Variants in PRR16 observed in about 807,000 individuals in gnomAD.
PRR16 encodes the protein protein Largen.
Under a neutral mutation model 18.2 loss-of-function variants are expected in PRR16, and 6 were observed. The ratio of observed to expected loss-of-function variants is 0.33; its 90% CI spans 0.18 to 0.65. PRR16 has a LOEUF of 0.65. Among genes scored for constraint, PRR16 ranks in the 30% least tolerant of loss-of-function variants. The pLI is 0.74. For synonymous variants in PRR16, 151 were observed against 147.8 expected (o/e 1.02, Z -0.16); for missense variants, 412 against 376.6 (o/e 1.09, Z -0.78).
chr5:120,489,955 T>C (rs1354816573), intron 1 of PRR16, among the ~76,000 whole-genome samples: 1 of 152,238 alleles, frequency 6.6e-6, no homozygotes, highest in African/African-American at 2.4e-5. Context: ...AAAATTCTTT[T>C]CTTTAAGAAT....
Position 120,684,470 on chromosome 5 carries a change from G to A in PRR16, c.160-1484G>A, listed in dbSNP as rs114659330. Among the ~76,000 whole-genome samples, 671 of 152,354 alleles carry A rather than the reference G, an allele frequency of 4.4e-3. 1 individual carries two copies. Among genetic ancestry groups the A allele is most frequent in the Non-Finnish European group, 6.2e-3 (421 of 68,040 alleles). On this transcript the variant is annotated intron_variant, in intron 1 of 1. Coordinates refer to ENST00000407149, the MANE Select transcript of PRR16 (RefSeq NM_001300783.2). ...TGATTAAACTTAGACCTAAGTAAGAGAGGAGGGAAAAATCTCCATATGGAA... is the reference window on the plus strand; with the variant it reads ...TGATTAAACTTAGACCTAAGTAAGAAAGGAGGGAAAAATCTCCATATGGAA...
At chr5:120,668,899 A>G (rs1166602688) in intron 1 of PRR16, among the ~76,000 whole-genome samples, 2 of 152,010 alleles carry the variant, frequency 1.3e-5, no homozygotes, top group East Asian at 1.9e-4. Context: ...TTTTTCCTTC[A>G]TTTCAACTGA....
intron 1 of PRR16, among the ~76,000 whole-genome samples, chr5:120,496,469 G>A (rs111684093): frequency 0.078 from 11,828 of 152,014 alleles, 1,081 homozygotes; most frequent in African/African-American, 0.23. Context: ...TGTATTAAAT[G>A]TAAGTTGCCA....
intron 1 of PRR16, among the ~76,000 whole-genome samples, chr5:120,666,045 G>A (rs1270430863): frequency 6.6e-6 from 1 of 152,020 alleles, no homozygotes; most frequent in African/African-American, 2.4e-5. Context: ...AAATTACCTT[G>A]GGCAGTATGG....
At chr5:120,547,620 A>G (rs1752115166) in intron 1 of PRR16, among the ~76,000 whole-genome samples, 1 of 151,958 alleles carries the variant, frequency 6.6e-6, no homozygotes, top group Non-Finnish European at 1.5e-5. Context: ...ACATATTGAT[A>G]ACAACAAGGT....
intron 1 of PRR16, among the ~76,000 whole-genome samples, chr5:120,492,935 C>A (rs1699858358): frequency 6.6e-6 from 1 of 152,022 alleles, no homozygotes; most frequent in Admixed American, 6.6e-5. Flanking sequence ...GTTTATATAC[C>A]ACATTTTCTT....
At chr5:120,515,719 A>C (rs932516856) in intron 1 of PRR16, among the ~76,000 whole-genome samples, 14 of 152,334 alleles carry the variant, frequency 9.2e-5, no homozygotes, top group African/African-American at 3.4e-4. Context: ...TCAAATGATA[A>C]ATACAGCATG....
At chr5:120,628,564 G>C (rs1448288672) in intron 1 of PRR16, among the ~76,000 whole-genome samples, 1 of 152,164 alleles carries the variant, frequency 6.6e-6, no homozygotes, top group African/African-American at 2.4e-5. Context: ...GTAGGTAAGA[G>C]AGATTAGATT....
chr5:120,574,777 G>C (rs577341341), intron 1 of PRR16, among the ~76,000 whole-genome samples: 1 of 149,154 alleles, frequency 6.7e-6, no homozygotes, highest in Admixed American at 6.6e-5. Context: ...GCAGCAACAA[G>C]AACTCTCATA....
At chr5:120,474,290 T>C (rs1168666731) in intron 1 of PRR16, among the ~76,000 whole-genome samples, 1 of 152,122 alleles carries the variant, frequency 6.6e-6, no homozygotes, top group Non-Finnish European at 1.5e-5. Flanking sequence ...TAATTCTTTG[T>C]TGGGGGGATT....
chr5:120,520,266 G>C (rs1477085387), intron 1 of PRR16, among the ~76,000 whole-genome samples: 1 of 151,654 alleles, frequency 6.6e-6, no homozygotes, highest in Non-Finnish European at 1.5e-5. Context: ...ATGGTGGCAG[G>C]CGCCTGTAAT....
the PRR16 span, among the ~76,000 whole-genome samples, chr5:120,747,994 C>T: frequency 1.3e-5 from 2 of 152,100 alleles, no homozygotes; most frequent in South Asian, 2.1e-4. Flanking sequence ...ATTTACGAAT[C>T]GTTGCTGCCA....
downstream of PRR16, among the ~76,000 whole-genome samples, chr5:120,689,548 C>T (rs144905658): frequency 1.1e-3 from 174 of 152,252 alleles, 4 homozygotes; most frequent in East Asian, 0.01. Context: ...GTTTTGTTAA[C>T]AATGTGCATT....
At chr5:120,670,009 CT>C (rs1756542871) in intron 1 of PRR16, among the ~76,000 whole-genome samples, 1 of 151,882 alleles carries the variant, frequency 6.6e-6, no homozygotes. Flanking sequence ...ATAAACAATA[CT>C]TTTATTCTGA....
At chr5:120,527,324 G>A (rs1000160444) in intron 1 of PRR16, among the ~76,000 whole-genome samples, 2 of 152,060 alleles carry the variant, frequency 1.3e-5, no homozygotes, top group Admixed American at 6.6e-5. Context: ...CTTAATTATT[G>A]GTCAAACATA....
At chr5:120,572,259 C>G (rs979607610) in intron 1 of PRR16, among the ~76,000 whole-genome samples, 1 of 152,064 alleles carries the variant, frequency 6.6e-6, no homozygotes, top group Non-Finnish European at 1.5e-5. Flanking sequence ...GGAGAACTCT[C>G]AAAGAATTTG....
chr5:120,610,781 A>G (rs1754309860), intron 1 of PRR16, among the ~76,000 whole-genome samples: 1 of 152,170 alleles, frequency 6.6e-6, no homozygotes, highest in Admixed American at 6.5e-5. Context: ...ATAAAAACAG[A>G]CTAACACAGT....
chr5:120,722,931 A>G, the PRR16 span, among the ~76,000 whole-genome samples: 1 of 151,476 alleles, frequency 6.6e-6, no homozygotes, highest in African/African-American at 2.4e-5. Context: ...CTATATTTAC[A>G]TCTATACTCT....
chr5:120,612,620 A>G (rs1754372017), intron 1 of PRR16, among the ~76,000 whole-genome samples: 2 of 152,122 alleles, frequency 1.3e-5, no homozygotes, highest in African/African-American at 2.4e-5. Context: ...GGGTCCTTCC[A>G]TGATTCTGAG....
Sources: gnomAD v4.1 joint callset for allele counts (sites outside exome capture counted in the v4.1 genomes callset) on GRCh38, gnomAD v4.1.1 for gene constraint, MANE v1.5 for transcripts, NCBI Gene and HGNC (gene_info 2026-07-23, HGNC 2026-07-21) for gene names.